The following RBM19 variants were observed in gnomAD, a reference collection of about 807,000 sequenced individuals.
RBM19 encodes RNA binding motif protein 19, also known as probable RNA-binding protein 19.
A neutral mutation model predicts 116.8 loss-of-function variants in RBM19; 94 were observed. The ratio of observed to expected loss-of-function variants is 0.80; its 90% CI spans 0.68 to 0.95. The LOEUF (loss-of-function observed/expected upper bound fraction) is 0.95, where lower values mean the gene tolerates loss of function less well. Ranked by LOEUF, RBM19 falls within the 40% of genes least tolerant of loss-of-function variation. The probability of loss-of-function intolerance (pLI) is 0.00; values close to 1 mark genes in which losing one functional copy is unlikely to be tolerated. For synonymous variants in RBM19, 475 were observed against 494.1 expected (o/e 0.96, Z 0.51); for missense variants, 1,161 against 1,220.7 (o/e 0.95, Z 0.73).
intron 21 of RBM19, among the ~76,000 whole-genome samples, chr12:113,886,832 A>G (rs1396423567): frequency 2.0e-5 from 3 of 152,202 alleles, no homozygotes; most frequent in Non-Finnish European, 2.9e-5. Context: ...CTCAAACAGT[A>G]AACATCACAC....
At position 113,905,770 on chromosome 12, in the gene RBM19, C is replaced by T. The variant is rs564749852; in HGVS notation, c.2558+9199G>A. On this transcript the variant is annotated intron_variant, in intron 21 of 23. Transcript: ENST00000261741. ...AAAATAAATTTAAAAATCATACAAG[C>T]CAGTTTTTAAAAAGTGGGCAAAAGA... 7.9e-5 allele frequency among the ~76,000 whole-genome samples: 12 copies of T among 152,154 alleles called. No individual in the cohort carries two copies. In the East Asian group the frequency reaches 2.1e-3, roughly 27 times the overall value.
At chr12:113,897,139 T>C (rs1203524918) in intron 21 of RBM19, among the ~76,000 whole-genome samples, 1 of 152,238 alleles carries the variant, frequency 6.6e-6, no homozygotes, top group African/African-American at 2.4e-5. Context: ...ATGATCTCCA[T>C]TTTATAGATG....
rs145472223 is a variant in RBM19 at position 113,950,919 on chromosome 12, C to T, written c.1001-765G>A. On this transcript the variant is annotated intron_variant, in intron 8 of 23. Transcript: ENST00000261741. ...CCCCTCTCCATGGCCACACCCTAGGCCCCATCACCACTGATCCTCCCTTAG... is the reference window on the plus strand; with the variant it reads ...CCCCTCTCCATGGCCACACCCTAGGTCCCATCACCACTGATCCTCCCTTAG... 9.7e-4 allele frequency among the ~76,000 whole-genome samples: 147 copies of T among 152,228 alleles called. 1 individual carries two copies. The highest frequency in any genetic ancestry group is 2.7e-3 in the Admixed American group (42 of 15,290).
intron 22 of RBM19, among the ~76,000 whole-genome samples, chr12:113,856,432 T>C (rs774065355): frequency 1.3e-5 from 2 of 152,226 alleles, no homozygotes; most frequent in Non-Finnish European, 2.9e-5. Flanking sequence ...AAAGGGCTCA[T>C]GGCTGGGGCC....
chr12:113,880,872 C>G (rs1206349082), intron 21 of RBM19, among the ~76,000 whole-genome samples: 1 of 152,198 alleles, frequency 6.6e-6, no homozygotes, highest in Non-Finnish European at 1.5e-5. Context: ...TGCTCAATAA[C>G]TCAAGAAATG....
At chr12:113,953,207 G>T (rs1871619932) in intron 7 of RBM19, among the ~76,000 whole-genome samples, 1 of 152,230 alleles carries the variant, frequency 6.6e-6, no homozygotes, top group Non-Finnish European at 1.5e-5. Flanking sequence ...AAGATATATT[G>T]GCCAGGTGCG....
chr12:113,897,265 T>C (rs1881402117), intron 21 of RBM19, among the ~76,000 whole-genome samples: 2 of 152,178 alleles, frequency 1.3e-5, no homozygotes, highest in Non-Finnish European at 2.9e-5. Context: ...GCTTCCTGGG[T>C]TCAAGCGATT....
chr12:113,885,598 G>A (rs1002688901), intron 21 of RBM19, among the ~76,000 whole-genome samples: 9 of 152,068 alleles, frequency 5.9e-5, no homozygotes, highest in African/African-American at 1.7e-4. Context: ...GTACTATAAC[G>A]TATAAAAAGG....
intron 23 of RBM19, among the ~76,000 whole-genome samples, chr12:113,826,975 G>A (rs1874919108): frequency 6.6e-6 from 1 of 152,152 alleles, no homozygotes; most frequent in African/African-American, 2.4e-5. Context: ...ATCTGCCAGG[G>A]TTCAGGCTGG....
Position 113,903,165 on chromosome 12 carries a change from G to C in RBM19, c.2558+11804C>G, listed in dbSNP as rs556991176. 6.6e-6 allele frequency among the ~76,000 whole-genome samples: 1 copy of C among 152,236 alleles called. No individual in the cohort carries two copies. Among genetic ancestry groups the C allele is most frequent in the South Asian group, 2.1e-4 (1 of 4,830 alleles). The stretch of plus-strand genomic sequence containing the variant: ...GGGGATGGGTTCCAGGACCCTCATG[G>C]GTACCAAAATCCAAGGATGCTCAAG... On this transcript the variant is annotated intron_variant, in intron 21 of 23. Transcript: ENST00000261741. This position sits in a 1 kb window ranked among gnomAD's most constrained non-coding sequence, Gnocchi z 5.1.
At chr12:113,863,169 C>A (rs899231373) in intron 21 of RBM19, among the ~76,000 whole-genome samples, 2 of 151,448 alleles carry the variant, frequency 1.3e-5, no homozygotes, top group Non-Finnish European at 2.9e-5. Context: ...GGATGGAAAT[C>A]GTGTTTGCAC....
chr12:113,851,811 A>G (rs1417208893), intron 22 of RBM19, among the ~76,000 whole-genome samples: 1 of 150,684 alleles, frequency 6.6e-6, no homozygotes, highest in East Asian at 2.0e-4. Context: ...GCACTTTGGG[A>G]AGCCGAGGCG....
intron 5 of RBM19, 65 bp downstream of exon 5, chr12:113,959,147 T>G (rs1191801082): frequency 1.3e-6 from 2 of 1,542,988 alleles, no homozygotes; most frequent in Non-Finnish European, 8.8e-7. Flanking sequence ...GGGCCCCCAG[T>G]GCCGGTTAGC....
At chr12:113,843,420 C>T (rs1013374742) in intron 23 of RBM19, among the ~76,000 whole-genome samples, 15 of 152,122 alleles carry the variant, frequency 9.9e-5, no homozygotes, top group African/African-American at 2.2e-4. Flanking sequence ...GGGAGGAATG[C>T]GGTGGCGTGC....
chr12:113,857,442 G>A (rs1877995045), intron 22 of RBM19, among the ~76,000 whole-genome samples: 1 of 152,220 alleles, frequency 6.6e-6, no homozygotes, highest in Non-Finnish European at 1.5e-5. Context: ...GGCCAGTGTG[G>A]GTTGAACTGC....
chr12:113,883,871 G>T (rs1274744223), intron 21 of RBM19, among the ~76,000 whole-genome samples: 1 of 152,190 alleles, frequency 6.6e-6, no homozygotes, highest in African/African-American at 2.4e-5. Context: ...AATGAACCCT[G>T]TAATATAACC....
In RBM19 at chr12:113,952,496, A is replaced by T; in HGVS notation, c.1000+16T>A. The T allele has an allele frequency of 6.2e-7, 1 of 1,606,368 alleles. No individual in the cohort carries two copies. Among genetic ancestry groups the T allele is most frequent in the Non-Finnish European group, 8.5e-7 (1 of 1,173,738 alleles). ...TGTCTACCCGCCTTCCCACCTGGAA[A>T]CATCCTGGATCTTACCTGTTTTATT... On this transcript the variant is annotated intron_variant, in intron 8 of 23. Transcript: ENST00000261741.
chr12:113,843,572 G>C (rs1159135169), intron 23 of RBM19, among the ~76,000 whole-genome samples: 2 of 152,218 alleles, frequency 1.3e-5, no homozygotes, highest in African/African-American at 4.8e-5. Context: ...TCCAAAGTGG[G>C]TGGAAAGCCA....
At chr12:113,839,477 C>T (rs371560302) in intron 23 of RBM19, among the ~76,000 whole-genome samples, 14 of 152,208 alleles carry the variant, frequency 9.2e-5, no homozygotes, top group East Asian at 1.9e-4. Flanking sequence ...CAGGGGAGGA[C>T]GGATAGAGAG....
Sources: allele counts gnomAD v4.1 joint callset (sites outside exome capture counted in the v4.1 genomes callset), GRCh38; gene constraint gnomAD v4.1.1; non-coding constraint Gnocchi (gnomAD v3.1); transcripts MANE v1.5; gene names NCBI Gene and HGNC (gene_info 2026-07-23, HGNC 2026-07-21).